Variants in TEF observed in about 807,000 individuals in gnomAD.
The protein encoded by TEF is thyrotroph embryonic factor.
TEF carries 3 observed loss-of-function variants against 20.8 expected under a neutral mutation model. The observed-to-expected ratio is 0.14, with a 90% confidence interval of 0.07 to 0.37. TEF has a LOEUF of 0.37. TEF is among the 10% of genes least tolerant of loss of function. TEF has a pLI of 1.00. For synonymous variants in TEF, 180 were observed against 171.1 expected (o/e 1.05, Z -0.41); for missense variants, 296 against 397.9 (o/e 0.74, Z 2.18).
chr22:41,374,669 C>T (rs1231985256), intron 1 of TEF, among the ~76,000 whole-genome samples: 1 of 149,512 alleles, frequency 6.7e-6, no homozygotes, highest in East Asian at 2.0e-4. Context: ...TGAGCTATGA[C>T]AGCATCACTG....
At chr22:41,373,274 G>A (rs564547832) in intron 1 of TEF, among the ~76,000 whole-genome samples, 2 of 152,206 alleles carry the variant, frequency 1.3e-5, no homozygotes, top group African/African-American at 4.8e-5. Flanking sequence ...TTTGTCCAAG[G>A]TCACCAAGAA....
In TEF at chr22:41,396,079, C is replaced by A. The variant is rs568650954; in HGVS notation, c.*119C>A. 8.2e-5 allele frequency: 94 copies of A among 1,146,836 alleles called. No individual in the cohort carries two copies. In the South Asian group the frequency reaches 1.4e-3, roughly 17 times the overall value. 71.0% of individuals were successfully genotyped at this position (1,146,836 alleles called of 1,614,324 possible). A position where few individuals can be genotyped will look rare whatever the true frequency, so the allele number is the denominator to read the frequency against. Reference sequence around the variant, plus strand: ...TCGTCGTGGGCGCATGGCGGCGCACCTGCTGCAGGAGCGGCCACGTCTCAG... The same window carrying A: ...TCGTCGTGGGCGCATGGCGGCGCACATGCTGCAGGAGCGGCCACGTCTCAG... On this transcript the variant is annotated 3_prime_UTR_variant, in exon 4 of 4. Coordinates refer to ENST00000266304, the MANE Select transcript of TEF (RefSeq NM_003216.4).
At chr22:41,388,591 A>G (rs930197032) in intron 2 of TEF, among the ~76,000 whole-genome samples, 4 of 151,912 alleles carry the variant, frequency 2.6e-5, no homozygotes, top group Non-Finnish European at 4.4e-5. Flanking sequence ...AAAAAAAAAA[A>G]AAAGAAAGCA....
intron 2 of TEF, among the ~76,000 whole-genome samples, chr22:41,392,694 A>AAAAAT (rs1394197723): frequency 2.1e-5 from 3 of 144,676 alleles, no homozygotes; most frequent in Non-Finnish European, 4.6e-5. Flanking sequence ...AAAAAAAAAA[A>AAAAAT]GACTAAGTGA....
Position 41,395,838 on chromosome 22 carries a change from C to G in TEF, c.790C>G (p.Arg264Gly). The change falls in exon 4 of 4, where the codon CGG becomes GGG. Residue 264 changes from arginine to glycine, a missense_variant. Coordinates refer to ENST00000266304, the MANE Select transcript of TEF (RefSeq NM_003216.4). Reference protein sequence around the residue: ...RRLKENQITIRAAFLEKENTA... With the variant: ...RRLKENQITIGAAFLEKENTA... ...CCTGAAAGAGAATCAGATCACCATCCGGGCAGCCTTCCTGGAGAAGGAGAA... is the reference window on the plus strand; with the variant it reads ...CCTGAAAGAGAATCAGATCACCATCGGGGCAGCCTTCCTGGAGAAGGAGAA... 1 of 1,614,206 alleles carries G rather than the reference C, an allele frequency of 6.2e-7. No individual in the cohort carries two copies. The highest frequency in any genetic ancestry group is 8.5e-7 in the Non-Finnish European group (1 of 1,180,030).
At chr22:41,382,613 T>C (rs73176684) in intron 1 of TEF, among the ~76,000 whole-genome samples, 6,169 of 152,062 alleles carry the variant, frequency 0.041, 178 homozygotes, top group Middle Eastern at 0.068. Context: ...GCACCCCCAT[T>C]ATTTTCCAAG....
At position 41,395,808 on chromosome 22, in the gene TEF, C is replaced by T; in HGVS notation, c.760C>T (p.Arg254Trp). The part of the protein sequence containing the change: ...NVAAKRSRDA[R>W]RLKENQITIR... ...GGCAGCTAAACGGTCACGGGATGCC[C>T]GGCGCCTGAAAGAGAATCAGATCAC... Residue 254 changes from arginine (R) to tryptophan (W), a missense_variant, in exon 4 of 4, where the codon CGG (arginine) becomes TGG (tryptophan). Physicochemically the swap from Arg to Trp is moderately radical, Grantham distance 101 (BLOSUM62 -3). Around this residue, in one of 2 missense-constraint regions of TEF, gnomAD observed 194 missense variants for 317.8 expected, o/e 0.61. Coordinates refer to ENST00000266304, the MANE Select transcript of TEF (RefSeq NM_003216.4). The T allele has an allele frequency of 1.9e-6, 3 of 1,614,182 alleles. No homozygotes were observed. Among genetic ancestry groups the T allele is most frequent in the Non-Finnish European group, 1.7e-6 (2 of 1,180,030 alleles).
At chr22:41,380,942 G>A (rs1298071790), upstream of TEF, among the ~76,000 whole-genome samples, 2 of 152,198 alleles carry the variant, frequency 1.3e-5, no homozygotes, top group African/African-American at 4.8e-5. Context: ...AGATTCTCTA[G>A]CCCAACCTCT....
chr22:41,384,461 T>G (rs935785990), intron 1 of TEF, among the ~76,000 whole-genome samples: 1 of 152,090 alleles, frequency 6.6e-6, no homozygotes, highest in African/African-American at 2.4e-5. Flanking sequence ...ACCCCTCTCC[T>G]TCCTCCCAGA....
At chr22:41,392,258 C>T (rs570906915) in intron 2 of TEF, among the ~76,000 whole-genome samples, 2 of 152,304 alleles carry the variant, frequency 1.3e-5, no homozygotes, top group Admixed American at 1.3e-4. Flanking sequence ...CAGGGAAGAA[C>T]AAGGAATCAG....
chr22:41,384,699 C>T (rs533652461), intron 1 of TEF, among the ~76,000 whole-genome samples: 1 of 152,312 alleles, frequency 6.6e-6, no homozygotes, highest in South Asian at 2.1e-4. Flanking sequence ...TTCATACTTT[C>T]AGTGAGCCCA....
chr22:41,372,426 T>C (rs2036893048), intron 1 of TEF, among the ~76,000 whole-genome samples: 1 of 152,214 alleles, frequency 6.6e-6, no homozygotes, highest in South Asian at 2.1e-4. Flanking sequence ...AGGACTGTAT[T>C]GTGTGTGCCT....
At chr22:41,391,131 G>T (rs960404296) in intron 2 of TEF, among the ~76,000 whole-genome samples, 1 of 152,058 alleles carries the variant, frequency 6.6e-6, no homozygotes, top group Non-Finnish European at 1.5e-5. Flanking sequence ...ATTAACCCCT[G>T]TCTAATAGGA....
At chr22:41,391,616 G>A (rs1237586643) in intron 2 of TEF, among the ~76,000 whole-genome samples, 5 of 149,528 alleles carry the variant, frequency 3.3e-5, no homozygotes, top group Non-Finnish European at 5.9e-5. Flanking sequence ...ACACCAGGCC[G>A]GCATCTGACT....
At chr22:41,387,283 C>T in intron 1 of TEF, 68 bp from the exon 2 acceptor site, 1 of 1,549,474 alleles carries the variant, frequency 6.5e-7, no homozygotes, top group Non-Finnish European at 8.8e-7. Context: ...CTGTGAGGCT[C>T]ACTGCCCACT....
At chr22:41,382,325 C>G in intron 1 of TEF, 124 bp downstream of exon 1, 1 of 886,382 alleles carries the variant, frequency 1.1e-6, no homozygotes, top group Non-Finnish European at 1.5e-6. Flanking sequence ...GGGGATGGGG[C>G]CTGGATGACC....
At chr22:41,374,959 A>C (rs1193410352) in intron 1 of TEF, among the ~76,000 whole-genome samples, 1 of 152,144 alleles carries the variant, frequency 6.6e-6, no homozygotes, top group African/African-American at 2.4e-5. Context: ...CATGCAGTCC[A>C]AACCCCTGTT....
chr22:41,395,325 G>C (rs2037214482), intron 3 of TEF, among the ~76,000 whole-genome samples: 1 of 152,128 alleles, frequency 6.6e-6, no homozygotes, highest in South Asian at 2.1e-4. Flanking sequence ...TCAGTGTAAA[G>C]ATAAGGGACC....
intron 2 of TEF, among the ~76,000 whole-genome samples, chr22:41,390,349 G>A (rs2145987278): frequency 6.6e-6 from 1 of 152,284 alleles, no homozygotes; most frequent in Admixed American, 6.5e-5. Context: ...CACCAGCAGG[G>A]CATTGGAGTT....
Sources: allele counts gnomAD v4.1 joint callset (sites outside exome capture counted in the v4.1 genomes callset), GRCh38; gene constraint gnomAD v4.1.1; regional missense constraint gnomAD v4.1.1; transcripts MANE v1.5; gene names NCBI Gene and HGNC (gene_info 2026-07-23, HGNC 2026-07-21).